RORA: variants seen among roughly 807,000 people sequenced by gnomAD.
RORA encodes the protein RAR related orphan receptor A, also known as nuclear receptor ROR-alpha.
A neutral mutation model predicts 69.5 loss-of-function variants in RORA; 7 were observed. That is an observed-to-expected ratio of 0.10 (90% confidence interval 0.06 to 0.19). The LOEUF is 0.19. Among genes scored for constraint, RORA ranks in the 10% least tolerant of loss-of-function variants. RORA has a pLI of 1.00. For synonymous variants in RORA, 261 were observed against 240.8 expected (o/e 1.08, Z -0.78); for missense variants, 457 against 663.0 (o/e 0.69, Z 3.41).
chr15:60,883,694 G>A (rs2073717573), intron 1 of RORA, among the ~76,000 whole-genome samples: 1 of 152,196 alleles, frequency 6.6e-6, no homozygotes, highest in Admixed American at 6.5e-5. Context: ...ATGTTTCTAA[G>A]ATTCTCCAAT....
At chr15:60,671,844 T>G (rs901391024) in intron 2 of RORA, among the ~76,000 whole-genome samples, 6 of 151,864 alleles carry the variant, frequency 4.0e-5, no homozygotes, top group African/African-American at 1.5e-4. Context: ...ACTCCTGACC[T>G]CAGGTGATCT....
chr15:61,025,463 C>A (rs1895761525), intron 1 of RORA, among the ~76,000 whole-genome samples: 1 of 152,196 alleles, frequency 6.6e-6, no homozygotes, highest in South Asian at 2.1e-4. Flanking sequence ...TTTCTGGGAG[C>A]TGTTGTCCTT....
intron 1 of RORA, among the ~76,000 whole-genome samples, chr15:60,994,889 G>A (rs1894485118): frequency 6.6e-6 from 1 of 152,096 alleles, no homozygotes; most frequent in Admixed American, 6.5e-5. Context: ...AACAAGTGTG[G>A]ATATTCTATT....
At chr15:61,089,168 G>A (rs2078668256) in intron 1 of RORA, among the ~76,000 whole-genome samples, 1 of 152,126 alleles carries the variant, frequency 6.6e-6, no homozygotes, top group Non-Finnish European at 1.5e-5. Flanking sequence ...CATAACAAAA[G>A]GAATGAATTT....
In RORA at chr15:60,511,404, T is replaced by C. The variant is rs774713848; in HGVS notation, c.642A>G (p.Ala214=). 3 of 1,614,080 alleles carry C rather than the reference T, an allele frequency of 1.9e-6. No individual in the cohort carries two copies. In the African/African-American group the frequency reaches 4.0e-5, roughly 22 times the overall value. Residue 214 remains alanine (A), a synonymous_variant, in exon 5 of 11, where the codon GCA becomes GCG. Transcript: ENST00000335670. The surrounding 1 kb of genome is among the most constrained non-coding windows in gnomAD (Gnocchi z 6.4). ...IDGHTPEGSK[A]DSAVSSFYLD... is the part of the protein sequence containing the mutation. ...GGTAGAAGCTGCTGACGGCGGAGTC[T>C]GCCTTACTCCCCTCAGGGGTGTGCC...
chr15:61,176,943 CA>C (rs2079634311), intron 1 of RORA, among the ~76,000 whole-genome samples: 1 of 152,204 alleles, frequency 6.6e-6, no homozygotes, highest in African/African-American at 2.4e-5. Flanking sequence ...CTGGAACATT[CA>C]CTGCCCTACC....
chr15:61,002,390 T>C (rs1894771247), intron 1 of RORA, among the ~76,000 whole-genome samples: 1 of 152,370 alleles, frequency 6.6e-6, no homozygotes, highest in African/African-American at 2.4e-5. Flanking sequence ...CAGCCATATT[T>C]CTTCCACATG....
intron 1 of RORA, among the ~76,000 whole-genome samples, chr15:61,105,978 T>C (rs1458462190): frequency 6.6e-6 from 1 of 152,228 alleles, no homozygotes; most frequent in Non-Finnish European, 1.5e-5. Flanking sequence ...CACAGGTTTA[T>C]CTTCATAAGC....
At position 60,927,947 on chromosome 15, in the gene RORA, T is replaced by G. The variant is rs575405712; in HGVS notation, c.167-249261A>C. Among the ~76,000 whole-genome samples, 3 of 152,304 alleles carry G rather than the reference T, an allele frequency of 2.0e-5. No individual in the cohort carries two copies. In the South Asian group the frequency reaches 6.2e-4, roughly 32 times the overall value. ...CAGTGTCTGGATTAGAACCACAGTC[T>G]TCCAGCCCTGTTTTCTCCTCACCTT... On this transcript the variant is annotated intron_variant, in intron 1 of 10. Coordinates refer to ENST00000335670, the MANE Select transcript of RORA (RefSeq NM_134261.3).
intron 1 of RORA, among the ~76,000 whole-genome samples, chr15:61,204,276 C>T (rs1157713317): frequency 1.3e-5 from 2 of 152,234 alleles, no homozygotes; most frequent in African/African-American, 2.4e-5. Flanking sequence ...CGTCTGTCTT[C>T]ACACGAATGT....
chr15:60,663,314 C>T (rs146049435), intron 2 of RORA, among the ~76,000 whole-genome samples: 58 of 152,296 alleles, frequency 3.8e-4, no homozygotes, highest in African/African-American at 1.3e-3. Flanking sequence ...AATTTTAGAT[C>T]AGAATATGGT....
chr15:60,545,952 G>A (rs1379877208), intron 2 of RORA, among the ~76,000 whole-genome samples: 1 of 152,178 alleles, frequency 6.6e-6, no homozygotes, highest in East Asian at 1.9e-4. Flanking sequence ...GCTTAAAGAG[G>A]CTTTAAGGAA....
At chr15:60,588,879 G>A in intron 2 of RORA, among the ~76,000 whole-genome samples, 1 of 152,144 alleles carries the variant, frequency 6.6e-6, no homozygotes, top group Admixed American at 6.5e-5. Context: ...TAACGTGATT[G>A]AAATATATAA....
intron 1 of RORA, among the ~76,000 whole-genome samples, chr15:60,757,440 T>G (rs2071819364): frequency 6.6e-6 from 1 of 152,204 alleles, no homozygotes; most frequent in South Asian, 2.1e-4. Flanking sequence ...AGAGTATTTT[T>G]CTGCCATTTT....
At chr15:61,199,776 C>T (rs745305882) in intron 1 of RORA, among the ~76,000 whole-genome samples, 16 of 152,160 alleles carry the variant, frequency 1.1e-4, no homozygotes, top group Non-Finnish European at 2.4e-4. Flanking sequence ...AAACTGCTTA[C>T]ACAGTAAATC....
At chr15:60,748,678 C>A (rs1344859617) in intron 1 of RORA, among the ~76,000 whole-genome samples, 1 of 152,160 alleles carries the variant, frequency 6.6e-6, no homozygotes, top group African/African-American at 2.4e-5. Context: ...CAGGTCTCAG[C>A]CTGGTTTCTT....
At chr15:61,030,365 C>T (rs1452905639) in intron 1 of RORA, among the ~76,000 whole-genome samples, 1 of 152,144 alleles carries the variant, frequency 6.6e-6, no homozygotes, top group Non-Finnish European at 1.5e-5. Flanking sequence ...ACAGGGATTA[C>T]ACACTAAAGT....
chr15:60,739,038 C>T (rs933694583), intron 1 of RORA, among the ~76,000 whole-genome samples: 6 of 152,252 alleles, frequency 3.9e-5, no homozygotes, highest in Admixed American at 2.6e-4. Context: ...ACTAATTGCT[C>T]GGAACAGCCT....
intron 2 of RORA, among the ~76,000 whole-genome samples, chr15:60,576,886 T>C (rs562122966): frequency 1.3e-5 from 2 of 152,260 alleles, no homozygotes; most frequent in African/African-American, 4.8e-5. Flanking sequence ...TGGTACTAAT[T>C]GTATAAAAGC....
Sources: allele counts gnomAD v4.1 joint callset (sites outside exome capture counted in the v4.1 genomes callset), GRCh38; gene constraint gnomAD v4.1.1; non-coding constraint Gnocchi (gnomAD v3.1); transcripts MANE v1.5; gene names NCBI Gene and HGNC (gene_info 2026-07-23, HGNC 2026-07-21).